TFEC: variants seen among roughly 807,000 people sequenced by gnomAD.
TFEC encodes the protein transcription factor EC.
TFEC carries 31 observed loss-of-function variants against 41.6 expected under a neutral mutation model. That is an observed-to-expected ratio of 0.74 (90% CI 0.56 to 1.01). The LOEUF (loss-of-function observed/expected upper bound fraction) is 1.01. TFEC is among the 50% of genes least tolerant of loss of function. The pLI, the probability that TFEC is intolerant of heterozygous loss-of-function variation, is 0.00. For synonymous variants in TFEC, 143 were observed against 140.6 expected, an observed-to-expected ratio of 1.02 and a Z score of -0.12; for missense variants, 402 against 404.1, an observed-to-expected ratio of 0.99 and a Z score of 0.04.
intron 3 of TFEC, among the ~76,000 whole-genome samples, chr7:115,965,884 C>G (rs2896170): frequency 0.13 from 19,285 of 151,504 alleles, 1,333 homozygotes; most frequent in Middle Eastern, 0.18. Context: ...TATTTTATAT[C>G]TGATCTATCA....
chr7:116,032,917 C>A (rs1795823142), upstream of TFEC, among the ~76,000 whole-genome samples: 1 of 152,038 alleles, frequency 6.6e-6, no homozygotes, highest in Admixed American at 6.6e-5. Flanking sequence ...ATAAACCAAA[C>A]TTTTAGTATA....
intron 3 of TFEC, among the ~76,000 whole-genome samples, chr7:116,056,218 G>A (rs1172777062): frequency 2.0e-5 from 3 of 151,838 alleles, no homozygotes; most frequent in African/African-American, 4.8e-5. Flanking sequence ...AGGTAAGCTC[G>A]ACAATTTTCC....
intron 3 of TFEC, among the ~76,000 whole-genome samples, chr7:115,966,356 A>G (rs1311725390): frequency 6.6e-6 from 1 of 151,664 alleles, no homozygotes. Flanking sequence ...GAATTTATAT[A>G]TGGGGAATTT....
rs540292009 is a variant in TFEC, at chr7:116,007,952, T to C, written c.-73+22681A>G. On this transcript the variant is annotated intron_variant, in intron 1 of 7. Coordinates refer to ENST00000265440, the MANE Select transcript of TFEC (RefSeq NM_012252.4). ...TCTTTCAACATTCACTCAGCAAACA[T>C]TTAATGAGAGTTTGTGCTTTGTTAA... 2.0e-5 allele frequency among the ~76,000 whole-genome samples: 3 copies of C among 152,310 alleles called. No individual in the cohort carries two copies. In the South Asian group the frequency reaches 6.2e-4, roughly 32 times the overall value.
At chr7:116,051,073 C>T (rs928260958) in intron 3 of TFEC, among the ~76,000 whole-genome samples, 8 of 152,028 alleles carry the variant, frequency 5.3e-5, no homozygotes, top group Admixed American at 4.6e-4. Flanking sequence ...CGCATGTCCT[C>T]GCTCATAGGT....
Position 116,046,145 on chromosome 7 carries a change from GGTTAAT to G in TFEC, c.199-61638_199-61633del, listed in dbSNP as rs1391528799. Among the ~76,000 whole-genome samples, 3 of 152,120 alleles carry G rather than the reference GGTTAAT, an allele frequency of 2.0e-5. No homozygotes were observed. The East Asian group carries it at 5.8e-4, about 29-fold the overall frequency. On this transcript the variant is annotated intron_variant, in intron 3 of 8. Transcript: ENST00000484212. ...TGAGACTTTGGACTGTGGGCTTTTG[GGTTAAT>G]GTTGAAATAAGGTAAGAGTTTGGGG...
chr7:116,055,821 A>G (rs1040895262), intron 3 of TFEC, among the ~76,000 whole-genome samples: 16 of 152,026 alleles, frequency 1.1e-4, no homozygotes, highest in Admixed American at 9.8e-4. Flanking sequence ...GGGTTGAAGA[A>G]CCAGATATTT....
chr7:116,159,624 TA>T (rs1290459848), intron 1 of TFEC, among the ~76,000 whole-genome samples: 2 of 152,258 alleles, frequency 1.3e-5, no homozygotes, highest in South Asian at 2.1e-4. Context: ...ATAGCAGCAT[TA>T]AAAGTTTTAT....
chr7:116,139,041 A>G (rs980433421), intron 1 of TFEC, among the ~76,000 whole-genome samples: 1 of 152,148 alleles, frequency 6.6e-6, no homozygotes, highest in Non-Finnish European at 1.5e-5. Context: ...CTCTGACTGA[A>G]AAATAACACT....
chr7:115,971,690 G>T (rs1045855184), intron 3 of TFEC, among the ~76,000 whole-genome samples: 1 of 151,962 alleles, frequency 6.6e-6, no homozygotes, highest in Non-Finnish European at 1.5e-5. Flanking sequence ...ACCAGAATTG[G>T]TTTAAATTAA....
chr7:115,974,007 G>A (rs1793253230), intron 3 of TFEC, among the ~76,000 whole-genome samples, 163 bp downstream of exon 3: 1 of 151,932 alleles, frequency 6.6e-6, no homozygotes, highest in Admixed American at 6.6e-5. Flanking sequence ...TCAACCATTA[G>A]ATAACCTTTT....
chr7:115,986,332 C>T (rs1040414701), intron 1 of TFEC, among the ~76,000 whole-genome samples: 2 of 152,066 alleles, frequency 1.3e-5, no homozygotes, highest in Non-Finnish European at 2.9e-5. Context: ...CCCTATTGCA[C>T]TATATAGATG....
At chr7:116,125,581 G>C (rs1376837457) in intron 1 of TFEC, among the ~76,000 whole-genome samples, 1 of 152,148 alleles carries the variant, frequency 6.6e-6, no homozygotes, top group Non-Finnish European at 1.5e-5. Flanking sequence ...TTAGGAAAGA[G>C]GTAATGTTGG....
At chr7:115,947,743 G>C (rs532394162) in intron 6 of TFEC, among the ~76,000 whole-genome samples, 9 of 138,694 alleles carry the variant, frequency 6.5e-5, no homozygotes, top group South Asian at 2.9e-4. Flanking sequence ...TGTTCATGTC[G>C]TTCACCCACT....
At chr7:116,122,751 C>T (rs913625061) in intron 1 of TFEC, among the ~76,000 whole-genome samples, 2 of 152,036 alleles carry the variant, frequency 1.3e-5, no homozygotes, top group South Asian at 2.1e-4. Context: ...AGGTTAAGGA[C>T]GACTGGAACA....
intron 3 of TFEC, among the ~76,000 whole-genome samples, chr7:116,084,480 A>G (rs1334732838): frequency 6.6e-6 from 1 of 151,888 alleles, no homozygotes; most frequent in Non-Finnish European, 1.5e-5. Flanking sequence ...TCGTTCTAAT[A>G]AAAATGACTT....
chr7:116,143,603 C>G (rs6971728), intron 1 of TFEC, among the ~76,000 whole-genome samples: 2 of 152,112 alleles, frequency 1.3e-5, no homozygotes, highest in African/African-American at 4.8e-5. Context: ...AGATGTCTTT[C>G]CAAACTGAGT....
intron 3 of TFEC, among the ~76,000 whole-genome samples, chr7:116,045,129 G>A (rs1178338502): frequency 6.6e-6 from 1 of 152,188 alleles, no homozygotes; most frequent in East Asian, 1.9e-4. Context: ...AAGAAGACAG[G>A]AAAATATGGG....
intron 3 of TFEC, among the ~76,000 whole-genome samples, chr7:115,963,794 C>T (rs1014525829): frequency 6.6e-6 from 1 of 151,524 alleles, no homozygotes; most frequent in Admixed American, 6.6e-5. Context: ...TTAATGAGTA[C>T]AGAGTTTTTG....
Sources: allele counts gnomAD v4.1 joint callset (sites outside exome capture counted in the v4.1 genomes callset), GRCh38; gene constraint gnomAD v4.1.1; transcripts MANE v1.5; gene names NCBI Gene and HGNC (gene_info 2026-07-23, HGNC 2026-07-21).